SLC13A3: variants seen among roughly 807,000 people sequenced by gnomAD.
SLC13A3 encodes the protein solute carrier family 13 member 3.
In SLC13A3, 40 loss-of-function variants were observed where a neutral mutation model predicts 59.0. That is an observed-to-expected ratio of 0.68 (90% CI 0.53 to 0.88). The LOEUF (loss-of-function observed/expected upper bound fraction) is 0.88. Among genes scored for constraint, SLC13A3 ranks in the 40% least tolerant of loss-of-function variants. SLC13A3 has a pLI of 0.00. For missense variants in SLC13A3, 699 were observed against 783.2 expected (o/e 0.89, Z 1.28); for synonymous variants, 317 against 330.3 (o/e 0.96, Z 0.44).
intron 1 of SLC13A3, among the ~76,000 whole-genome samples, chr20:46,681,490 G>A (rs538878080): frequency 6.7e-6 from 1 of 149,374 alleles, no homozygotes; most frequent in African/African-American, 2.6e-5. Flanking sequence ...GAAAGTGAAG[G>A]GAGGTTTACC....
chr20:46,627,267 A>G (rs1334734871), intron 1 of SLC13A3, among the ~76,000 whole-genome samples: 1 of 152,218 alleles, frequency 6.6e-6, no homozygotes, highest in Non-Finnish European at 1.5e-5. Flanking sequence ...CTGGTGTAAG[A>G]AAAGTCACGT....
intron 8 of SLC13A3, among the ~76,000 whole-genome samples, chr20:46,587,069 G>A (rs868092176): frequency 6.6e-6 from 1 of 152,094 alleles, no homozygotes; most frequent in African/African-American, 2.4e-5. Flanking sequence ...AAATCAAATG[G>A]CGGGCCAGAT....
chr20:46,671,433 C>T (rs535351204), upstream of SLC13A3, among the ~76,000 whole-genome samples: 5 of 152,188 alleles, frequency 3.3e-5, no homozygotes, highest in South Asian at 2.1e-4. Flanking sequence ...CCTGCACACT[C>T]GTCTCCAAGT....
chr20:46,668,660 A>G (rs2063074343), intron 1 of SLC13A3, among the ~76,000 whole-genome samples: 1 of 152,242 alleles, frequency 6.6e-6, no homozygotes, highest in Non-Finnish European at 1.5e-5. Flanking sequence ...ACTACACTGA[A>G]CAACAGATTT....
At chr20:46,658,593 A>T (rs995020150) in intron 1 of SLC13A3, among the ~76,000 whole-genome samples, 1 of 152,336 alleles carries the variant, frequency 6.6e-6, no homozygotes, top group South Asian at 2.1e-4. Flanking sequence ...AGGCAGGAGG[A>T]CTGCTTGAGC....
intron 1 of SLC13A3, among the ~76,000 whole-genome samples, chr20:46,663,979 A>C (rs1158790660): frequency 2.0e-5 from 3 of 152,234 alleles, no homozygotes; most frequent in Non-Finnish European, 2.9e-5. Context: ...GTATTCACTC[A>C]AGAGGCTGTT....
chr20:46,591,495 G>A (rs1382652588), intron 6 of SLC13A3, among the ~76,000 whole-genome samples: 2 of 152,198 alleles, frequency 1.3e-5, no homozygotes, highest in South Asian at 2.1e-4. Flanking sequence ...CAAAGTGCCA[G>A]TATTATATTT....
intron 12 of SLC13A3, 74 bp downstream of exon 12, chr20:46,563,340 G>T: frequency 6.5e-7 from 1 of 1,549,560 alleles, no homozygotes; most frequent in South Asian, 1.2e-5. Context: ...CAGGAGTCCT[G>T]CATAGAGGCC....
intron 9 of SLC13A3, among the ~76,000 whole-genome samples, chr20:46,582,400 T>A (rs1209632070): frequency 1.3e-5 from 2 of 151,598 alleles, no homozygotes; most frequent in African/African-American, 4.8e-5. Flanking sequence ...AGTGCTGGGA[T>A]TACAGGTGTG....
intron 1 of SLC13A3, among the ~76,000 whole-genome samples, chr20:46,661,974 T>C (rs2063033261): frequency 6.6e-6 from 1 of 152,186 alleles, no homozygotes; most frequent in East Asian, 1.9e-4. Context: ...TGGTAAGACT[T>C]GGTGGGCAGA....
chr20:46,662,686 T>G (rs2063038550), intron 1 of SLC13A3, among the ~76,000 whole-genome samples: 1 of 152,238 alleles, frequency 6.6e-6, no homozygotes, highest in African/African-American at 2.4e-5. Context: ...AATGTTCTGA[T>G]GAGAAGTCAG....
At chr20:46,604,833 C>T (rs758262750) in intron 3 of SLC13A3, among the ~76,000 whole-genome samples, 1 of 152,196 alleles carries the variant, frequency 6.6e-6, no homozygotes, top group East Asian at 1.9e-4. Context: ...CTATTAATAG[C>T]ACACTAAGGT....
intron 9 of SLC13A3, among the ~76,000 whole-genome samples, chr20:46,578,237 G>C (rs1018602617): frequency 6.6e-6 from 1 of 151,782 alleles, no homozygotes; most frequent in Non-Finnish European, 1.5e-5. Context: ...GTCAGTCCTT[G>C]GCTATTTATT....
At chr20:46,683,891 C>A (rs2122958456) in intron 1 of SLC13A3, among the ~76,000 whole-genome samples, 1 of 152,274 alleles carries the variant, frequency 6.6e-6, no homozygotes, top group South Asian at 2.1e-4. Flanking sequence ...GTTTCGGTCG[C>A]CTTTTCACTT....
intron 1 of SLC13A3, among the ~76,000 whole-genome samples, chr20:46,616,447 C>T (rs2062555535): frequency 6.6e-6 from 1 of 152,204 alleles, no homozygotes; most frequent in South Asian, 2.1e-4. Flanking sequence ...ATCACCAAGC[C>T]CCTATCATTT....
chr20:46,586,726 T>A (rs1256185791), intron 8 of SLC13A3, among the ~76,000 whole-genome samples: 1 of 152,170 alleles, frequency 6.6e-6, no homozygotes, highest in Non-Finnish European at 1.5e-5. Context: ...AAGTCCCACA[T>A]TTAACTTTGA....
intron 3 of SLC13A3, among the ~76,000 whole-genome samples, chr20:46,602,518 A>G (rs2122715918): frequency 6.6e-6 from 1 of 152,232 alleles, no homozygotes; most frequent in Admixed American, 6.5e-5. Context: ...CTGGTAGCCA[A>G]ACACATCAGC....
chr20:46,577,583 A>C (rs1473245616), intron 9 of SLC13A3, among the ~76,000 whole-genome samples: 1 of 152,226 alleles, frequency 6.6e-6, no homozygotes, highest in Non-Finnish European at 1.5e-5. Flanking sequence ...ATGCAGATTA[A>C]ATGGCGAGTG....
At chr20:46,574,173 C>T (rs16991552) in intron 10 of SLC13A3, among the ~76,000 whole-genome samples, 9,701 of 152,140 alleles carry the variant, frequency 0.064, 848 homozygotes, top group African/African-American at 0.2. Context: ...GAGTCATATT[C>T]GATTCACGAA....
Sources: allele counts gnomAD v4.1 joint callset (sites outside exome capture counted in the v4.1 genomes callset), GRCh38; gene constraint gnomAD v4.1.1; transcripts MANE v1.5; gene names NCBI Gene and HGNC (gene_info 2026-07-23, HGNC 2026-07-21).